Variants in ZNF611 observed in about 807,000 individuals in gnomAD.
The protein encoded by ZNF611 is zinc finger protein 611.
ZNF611 carries 6 observed loss-of-function variants against 8.9 expected under a neutral mutation model. That is an observed-to-expected ratio of 0.68 (90% CI 0.37 to 1.34). The LOEUF (loss-of-function observed/expected upper bound fraction) is 1.34. Ranked by LOEUF, ZNF611 falls within the 40% of genes most tolerant of loss-of-function variation. ZNF611 has a pLI of 0.02. For synonymous variants in ZNF611, 262 were observed against 279.7 expected (o/e 0.94, Z 0.63); for missense variants, 874 against 841.3 (o/e 1.04, Z -0.48).
intron 3 of ZNF611, chr19:52,717,694 G>T: frequency 3.0e-6 from 3 of 984,890 alleles, no homozygotes; most frequent in Non-Finnish European, 3.6e-6. Flanking sequence ...TTCAACATCT[G>T]TAGAGAATAT....
intron 3 of ZNF611, among the ~76,000 whole-genome samples, chr19:52,719,388 C>T (rs2062339260): frequency 6.6e-6 from 1 of 152,118 alleles, no homozygotes; most frequent in South Asian, 2.1e-4. Context: ...GAGGGTGATC[C>T]ACAACTAACG....
At chr19:52,725,089 G>A (rs916922909) in intron 3 of ZNF611, among the ~76,000 whole-genome samples, 1 of 151,960 alleles carries the variant, frequency 6.6e-6, no homozygotes, top group Admixed American at 6.6e-5. Context: ...AATCACACGC[G>A]GGTTTGGAGT....
At chr19:52,722,729 C>T (rs1010918808) in intron 3 of ZNF611, among the ~76,000 whole-genome samples, 4 of 152,026 alleles carry the variant, frequency 2.6e-5, no homozygotes, top group Admixed American at 6.6e-5. Context: ...ATCCAAAGTC[C>T]CCCACCCTTT....
intron 5 of ZNF611, among the ~76,000 whole-genome samples, chr19:52,711,752 A>G (rs2062281624): frequency 6.6e-6 from 1 of 152,164 alleles, no homozygotes; most frequent in Non-Finnish European, 1.5e-5. Flanking sequence ...CAAGGTCTTC[A>G]CTTACTCAGG....
intron 1 of ZNF611, among the ~76,000 whole-genome samples, chr19:52,732,980 A>G (rs201565966): frequency 8.2e-6 from 1 of 121,498 alleles, no homozygotes; most frequent in South Asian, 2.6e-4. Context: ...AATTAATTAA[A>G]TGTATTTTGT....
rs185114346 is a variant in ZNF611 at position 52,705,562 on chromosome 19, A to C, written c.1493T>G (p.Leu498Ter). The change falls in exon 6 of 6, where the codon TTA becomes TGA. Residue 498 changes from leucine (L) to a stop codon, truncating the protein, a stop_gained. Coordinates refer to ENST00000652185, the MANE Select transcript of ZNF611 (RefSeq NM_001161499.2). LOFTEE classifies it low-confidence loss of function (END_TRUNC). The stretch of plus-strand genomic sequence containing the variant: ...CCCAGTATGAATTGACTTATGAATT[A>C]AAAGATCTGAATTTTGACCAAAGGT... ...GKTFGQNSDL[L>*]IHKSIHTGEQ... 1.4e-5 allele frequency: 23 copies of C among 1,614,068 alleles called. No individual in the cohort carries two copies. The highest frequency in any genetic ancestry group is 2.7e-5 in the African/African-American group (2 of 75,004).
At chr19:52,725,362 C>G (rs532480909) in intron 3 of ZNF611, among the ~76,000 whole-genome samples, 3 of 152,178 alleles carry the variant, frequency 2.0e-5, no homozygotes, top group Non-Finnish European at 2.9e-5. Context: ...GGGGCCCCGG[C>G]GCTGCGCTCC....
In ZNF611 at chr19:52,713,923, A is replaced by T. The variant is rs2062297219; in HGVS notation, c.190+92T>A. 1.2e-5 allele frequency: 19 copies of T among 1,580,728 alleles called. No homozygotes were observed. The South Asian group carries it at 2.2e-4, about 18-fold the overall frequency. On this transcript the variant is annotated intron_variant, in intron 5 of 5. Coordinates refer to ENST00000652185, the MANE Select transcript of ZNF611 (RefSeq NM_001161499.2). ...AAAAAACAAAAAACAAAACCCATGT[A>T]TGGGGCAAAATCACAAAAGAGGATA...
intron 3 of ZNF611, among the ~76,000 whole-genome samples, chr19:52,722,827 C>A (rs918080941): frequency 6.6e-6 from 1 of 151,840 alleles, no homozygotes; most frequent in Non-Finnish European, 1.5e-5. Context: ...ACCTCCTGGG[C>A]TCAAGTGATC....
At chr19:52,727,971 G>A (rs2062403017) in intron 3 of ZNF611, among the ~76,000 whole-genome samples, 1 of 146,282 alleles carries the variant, frequency 6.8e-6, no homozygotes, top group Admixed American at 7.0e-5. Flanking sequence ...GTGCAGTGGT[G>A]CAATCTCAGC....
chr19:52,706,810 G>C lies in ZNF611; in HGVS notation c.245C>G (p.Thr82Arg), dbSNP rs775411822. 9.9e-6 allele frequency: 16 copies of C among 1,612,880 alleles called. No homozygotes were observed. The highest frequency in any genetic ancestry group is 1.6e-4 in the Middle Eastern group (1 of 6,080). ...KEVLSTGQGN[T>R]EVIHTGTLQR... ...CAATGTCCCTGTGTGGATCACTTCT[G>C]TATTGCCTTGCCCTGTTGACAAGAC... is the stretch of plus-strand genomic sequence containing the variant. The change falls in exon 6 of 6, where the codon ACA becomes AGA. Residue 82 changes from threonine to arginine, a missense_variant. By Grantham distance (71) the Thr-to-Arg change is moderately conservative. Coordinates refer to ENST00000652185, the MANE Select transcript of ZNF611 (RefSeq NM_001161499.2).
chr19:52,710,233 T>C (rs146015905), intron 5 of ZNF611, among the ~76,000 whole-genome samples: 6,915 of 151,550 alleles, frequency 0.046, 331 homozygotes, highest in African/African-American at 0.11. Context: ...CTAATTTTTT[T>C]TTTTTTTTTT....
chr19:52,714,293 T>G (rs544902610), intron 4 of ZNF611, 152 bp from the exon 5 acceptor site: 1 of 1,434,932 alleles, frequency 7.0e-7, no homozygotes, highest in East Asian at 2.5e-5. Flanking sequence ...TTTTTCCCTA[T>G]AGTTGCGTTT....
At chr19:52,707,671 G>A (rs2062254368) in intron 5 of ZNF611, 1 of 151,250 alleles carries the variant, frequency 6.6e-6, no homozygotes, top group Non-Finnish European at 1.5e-5. Flanking sequence ...ATGGAGTCTT[G>A]CACTCCAGCT....
chr19:52,705,847 C>T lies in ZNF611; in HGVS notation c.1208G>A (p.Cys403Tyr). 6.2e-7 allele frequency: 1 copy of T among 1,614,110 alleles called. No individual in the cohort carries two copies. The highest frequency in any genetic ancestry group is 8.5e-7 in the Non-Finnish European group (1 of 1,180,016). The change falls in exon 6 of 6, where the codon TGT (cysteine) becomes TAT (tyrosine). Residue 403 changes from cysteine to tyrosine, a missense_variant. By Grantham distance (194) the Cys-to-Tyr change is radical. Transcript: ENST00000652185. ...TGAATGCCACGTGAAAGCTGTGTCA[C>T]AAACCTTACATCTGTATGGTTTCTC... ...TGEKPYRCKV[C>Y]DTAFTWHSQL...
At chr19:52,730,260 C>T (rs1243568684) in intron 1 of ZNF611, among the ~76,000 whole-genome samples, 5 of 151,234 alleles carry the variant, frequency 3.3e-5, no homozygotes, top group East Asian at 3.9e-4. Flanking sequence ...GGCATAGTGG[C>T]GGGTGCCTGT....
chr19:52,707,567 T>C (rs2062253787), intron 5 of ZNF611: 1 of 151,098 alleles, frequency 6.6e-6, no homozygotes, highest in African/African-American at 2.4e-5. Context: ...AAAAAGTTAA[T>C]AGAATATTTT....
rs760726831 is a variant in ZNF611, at chr19:52,704,998, G to A, written c.2057C>T (p.Ala686Val). The A allele has an allele frequency of 4.3e-6, 7 of 1,614,166 alleles. No individual in the cohort carries two copies. The highest frequency in any genetic ancestry group is 5.9e-6 in the Non-Finnish European group (7 of 1,180,036). Reference protein sequence around the residue: ...KPYKCNECGKAFNQQSHLSRH... With the variant: ...KPYKCNECGKVFNQQSHLSRH... Reference sequence around the variant, plus strand: ...TGAAAGGTGTGATTGTTGATTAAAAGCCTTCCCACATTCATTACACTTGTA... The same window carrying A: ...TGAAAGGTGTGATTGTTGATTAAAAACCTTCCCACATTCATTACACTTGTA... Residue 686 changes from alanine (A) to valine (V), a missense_variant, in exon 6 of 6, where the codon GCT becomes GTT. Physicochemically the swap from Ala to Val is moderately conservative, Grantham distance 64 (BLOSUM62 0). Coordinates refer to ENST00000652185, the MANE Select transcript of ZNF611 (RefSeq NM_001161499.2).
intron 5 of ZNF611, among the ~76,000 whole-genome samples, chr19:52,707,788 C>T (rs1441788006): frequency 6.6e-6 from 1 of 151,814 alleles, no homozygotes; most frequent in African/African-American, 2.4e-5. Context: ...GCATGCACCA[C>T]TATGCCTGGC....
Sources: gnomAD v4.1 joint callset for allele counts (sites outside exome capture counted in the v4.1 genomes callset) on GRCh38, gnomAD v4.1.1 for gene constraint, MANE v1.5 for transcripts, NCBI Gene and HGNC (gene_info 2026-07-23, HGNC 2026-07-21) for gene names.